TMEM217: variants seen among roughly 807,000 people sequenced by gnomAD.
TMEM217 encodes the protein transmembrane protein 217, also known as chromosome 6 open reading frame 128.
For synonymous variants in TMEM217, 76 were observed against 88.3 expected, an observed-to-expected ratio of 0.86 and a Z score of 0.78; for missense variants, 204 against 248.8, an observed-to-expected ratio of 0.82 and a Z score of 1.21.
chr6:37,246,936 G>T (rs1337063606), intron 1 of TMEM217, among the ~76,000 whole-genome samples: 1 of 151,856 alleles, frequency 6.6e-6, no homozygotes, highest in African/African-American at 2.4e-5. Context: ...AAGATGGGGA[G>T]ACAGCCAGGT....
intron 1 of TMEM217, among the ~76,000 whole-genome samples, chr6:37,226,242 TTTG>T (rs929175426): frequency 2.7e-5 from 4 of 148,994 alleles, no homozygotes; most frequent in Admixed American, 1.3e-4. Flanking sequence ...ATTCTCTTTT[TTTG>T]TTTTGTTTTG....
At chr6:37,254,102 T>A (rs1217789730) in intron 1 of TMEM217, among the ~76,000 whole-genome samples, 1 of 152,184 alleles carries the variant, frequency 6.6e-6, no homozygotes, top group African/African-American at 2.4e-5. Flanking sequence ...TAACAGAAGA[T>A]CTATAAAGTG....
intron 1 of TMEM217, among the ~76,000 whole-genome samples, chr6:37,246,872 T>C (rs374157545): frequency 6.7e-6 from 1 of 150,050 alleles, no homozygotes; most frequent in East Asian, 2.0e-4. Context: ...CACTGCGTTC[T>C]AGCCTGGGCA....
chr6:37,238,647 T>C (rs1764609208), intron 1 of TMEM217, among the ~76,000 whole-genome samples: 1 of 152,190 alleles, frequency 6.6e-6, no homozygotes, highest in Admixed American at 6.5e-5. Flanking sequence ...CACTTCTTCC[T>C]TTTTCTTGCC....
chr6:37,256,398 C>G (rs1464785282), intron 1 of TMEM217, among the ~76,000 whole-genome samples: 1 of 152,186 alleles, frequency 6.6e-6, no homozygotes, highest in East Asian at 1.9e-4. Context: ...CCTCTTTGGG[C>G]TTAGTGTGCA....
chr6:37,243,303 C>G (rs1354418170), intron 1 of TMEM217, among the ~76,000 whole-genome samples: 3 of 152,154 alleles, frequency 2.0e-5, no homozygotes, highest in Admixed American at 2.0e-4. Context: ...CGTTTTCCAG[C>G]TTTCTGTGCA....
intron 1 of TMEM217, among the ~76,000 whole-genome samples, chr6:37,231,832 T>C (rs1358528568): frequency 6.6e-6 from 1 of 150,880 alleles, no homozygotes; most frequent in Non-Finnish European, 1.5e-5. Flanking sequence ...GCTACTCTGC[T>C]CTTGGATTTT....
intron 1 of TMEM217, among the ~76,000 whole-genome samples, chr6:37,240,621 C>T (rs1055060316): frequency 2.6e-5 from 4 of 152,046 alleles, no homozygotes; most frequent in African/African-American, 9.7e-5. Context: ...GGGGAGAGGA[C>T]AACATAAGGG....
chr6:37,239,932 CAG>C (rs1024931232), intron 1 of TMEM217, among the ~76,000 whole-genome samples: 2 of 150,966 alleles, frequency 1.3e-5, no homozygotes, highest in African/African-American at 4.9e-5. Flanking sequence ...CTGCAAGGAA[CAG>C]AGACTCAAAC....
intron 1 of TMEM217, among the ~76,000 whole-genome samples, chr6:37,222,504 T>C (rs1583439432): frequency 6.6e-6 from 1 of 152,030 alleles, no homozygotes; most frequent in Non-Finnish European, 1.5e-5. Flanking sequence ...ACCTAGGAGG[T>C]CCCGCCCCGC....
At chr6:37,225,365 T>C (rs1763764628) in intron 1 of TMEM217, among the ~76,000 whole-genome samples, 1 of 152,076 alleles carries the variant, frequency 6.6e-6, no homozygotes, top group African/African-American at 2.4e-5. Flanking sequence ...CAAGTGTTCA[T>C]CATAGTTTAA....
At chr6:37,257,686 C>T in exon 1 of TMEM217, 3 of 544,784 alleles carry the variant, frequency 5.5e-6, no homozygotes, top group Non-Finnish European at 3.2e-6. Flanking sequence ...CTTCAGCGGC[C>T]TGCAGGATTC....
At chr6:37,219,883 A>T (rs1763414808) in intron 1 of TMEM217, among the ~76,000 whole-genome samples, 1 of 152,180 alleles carries the variant, frequency 6.6e-6, no homozygotes, top group Non-Finnish European at 1.5e-5. Context: ...TTGGGTGGAG[A>T]TGATAAAAAC....
exon 4 of TMEM217, chr6:37,212,405 C>G (rs955827506): frequency 5.1e-6 from 2 of 395,712 alleles, no homozygotes; most frequent in Middle Eastern, 7.0e-4. Context: ...TTCCTGGCAT[C>G]TGGCATGGTT....
exon 2 of TMEM217, chr6:37,218,038 C>T: frequency 4.0e-6 from 4 of 996,988 alleles, no homozygotes; most frequent in Non-Finnish European, 4.8e-6. Context: ...AGGGTCTCTA[C>T]TTGCAGAACT....
chr6:37,247,925 G>A (rs1295664875), intron 1 of TMEM217, among the ~76,000 whole-genome samples: 1 of 152,152 alleles, frequency 6.6e-6, no homozygotes, highest in Non-Finnish European at 1.5e-5. Flanking sequence ...TGGGGGAAGA[G>A]CCTTCAGGCA....
chr6:37,236,044 A>G (rs1408619608), intron 1 of TMEM217, among the ~76,000 whole-genome samples: 1 of 152,234 alleles, frequency 6.6e-6, no homozygotes, highest in Non-Finnish European at 1.5e-5. Context: ...AATCATTACC[A>G]TAACAAAACA....
downstream of TMEM217, chr6:37,215,418 T>G: frequency 8.9e-7 from 1 of 1,124,770 alleles, no homozygotes; most frequent in Non-Finnish European, 1.2e-6. Flanking sequence ...CTACTAAAGA[T>G]ACAAAAATTA....
chr6:37,249,820 C>A (rs144974727), intron 1 of TMEM217, among the ~76,000 whole-genome samples: 41 of 152,318 alleles, frequency 2.7e-4, no homozygotes, highest in African/African-American at 9.1e-4. Context: ...AGTAGTATGA[C>A]CACTTTGAAA....
Sources: gnomAD v4.1 joint callset for allele counts (sites outside exome capture counted in the v4.1 genomes callset) on GRCh38, gnomAD v4.1.1 for gene constraint, MANE v1.5 for transcripts, NCBI Gene and HGNC (gene_info 2026-07-23, HGNC 2026-07-21) for gene names.